The following CARD14 variants were observed in gnomAD, a reference collection of about 807,000 sequenced individuals.
CARD14 encodes the protein caspase recruitment domain family member 14, also known as caspase recruitment domain-containing protein 14.
Under a neutral mutation model 111.5 loss-of-function variants are expected in CARD14, and 107 were observed. That is an observed-to-expected ratio of 0.96 (90% CI 0.82 to 1.13). The LOEUF is 1.13. Among genes scored for constraint, CARD14 ranks in the 50% most tolerant of loss-of-function variants. The pLI is 0.00. For missense variants in CARD14, 1,322 were observed against 1,362.3 expected (o/e 0.97, Z 0.47); for synonymous variants, 617 against 579.6 (o/e 1.06, Z -0.93).
At position 80,195,549 on chromosome 17, in the gene CARD14, G is replaced by T; in HGVS notation, c.1500-9G>T. ...GCAGTTTGAGCCTGCTGCTGCTTAT[G>T]CTTTGCAGCAGCTGCCTGGAGATCC... On this transcript the variant is annotated splice_polypyrimidine_tract_variant and intron_variant, in intron 13 of 23. Coordinates refer to ENST00000648509, the MANE Select transcript of CARD14 (RefSeq NM_001366385.1). The surrounding 1 kb of genome is among the most constrained non-coding windows in gnomAD (Gnocchi z 4.7). 6.2e-7 allele frequency: 1 copy of T among 1,607,514 alleles called. No individual in the cohort carries two copies.
intron 16 of CARD14, among the ~76,000 whole-genome samples, chr17:80,200,228 C>CTTT (rs1567894205): frequency 5.5e-5 from 6 of 109,544 alleles, no homozygotes; most frequent in African/African-American, 2.0e-4. Flanking sequence ...CTTTACATGT[C>CTTT]ATTTTTTTTT....
chr17:80,179,510 G>A (rs1167944757), intron 4 of CARD14, among the ~76,000 whole-genome samples: 1 of 152,158 alleles, frequency 6.6e-6, no homozygotes, highest in African/African-American at 2.4e-5. Flanking sequence ...AAGATGCTAT[G>A]TACTGTTTAT....
intron 14 of CARD14, 149 bp from the exon 15 acceptor site, chr17:80,197,950 G>A (rs1417713096): frequency 1.5e-5 from 11 of 722,650 alleles, no homozygotes; most frequent in Non-Finnish European, 2.7e-5. Context: ...TGAGGGAGAA[G>A]GGGCTGAGGT....
Position 80,208,297 on chromosome 17 carries a change from C to G in CARD14, c.2967C>G (p.Ile989Met). The G allele has an allele frequency of 6.2e-7, 1 of 1,604,144 alleles. No homozygotes were observed. Residue 989 changes from isoleucine to methionine, a missense_variant, in exon 24 of 24, where the codon ATC (isoleucine) becomes ATG (methionine). Coordinates refer to ENST00000648509, the MANE Select transcript of CARD14 (RefSeq NM_001366385.1). Reference protein sequence around the residue: ...DGLLSCVRQAIADEQKKVVWT... With the variant: ...DGLLSCVRQAMADEQKKVVWT... Reference sequence around the variant, plus strand: ...TGCTCAGCTGTGTCCGCCAGGCCATCGCCGACGAGCAGAAGAAGGTGGTGT... The same window carrying G: ...TGCTCAGCTGTGTCCGCCAGGCCATGGCCGACGAGCAGAAGAAGGTGGTGT...
At chr17:80,207,332 C>A (rs2041382790) in intron 23 of CARD14, among the ~76,000 whole-genome samples, 1 of 152,224 alleles carries the variant, frequency 6.6e-6, no homozygotes, top group African/African-American at 2.4e-5. Flanking sequence ...GGGCAGATTG[C>A]TTGAGGTCAG....
Position 80,208,441 on chromosome 17 carries a change from T to C in CARD14, c.*96T>C. The C allele has an allele frequency of 8.5e-7, 1 of 1,176,484 alleles. No individual in the cohort carries two copies. Among genetic ancestry groups the C allele is most frequent in the Non-Finnish European group, 1.2e-6 (1 of 858,072 alleles). 72.9% of individuals were successfully genotyped at this position (1,176,484 alleles called of 1,614,324 possible). A position where few individuals can be genotyped will look rare whatever the true frequency, so the allele number is the denominator to read the frequency against. On this transcript the variant is annotated 3_prime_UTR_variant, in exon 24 of 24. Transcript: ENST00000648509. ...AGGCCCTCTTGGCACAGCTGTGGGC[T>C]CCTTGGCACATGAGGCCGGCTCTCC...
rs769219418 is a variant in CARD14 at position 80,182,934 on chromosome 17, G to A, written c.349+144G>A. On this transcript the variant is annotated intron_variant, in intron 6 of 23. Transcript: ENST00000648509. This position sits in a 1 kb window ranked among gnomAD's most constrained non-coding sequence, Gnocchi z 4.7. ...GTTCCTGTCCCAGCCCCAGCACTCT[G>A]AGGGTGAGGAACCCCCTCACTGTAT... is the stretch of plus-strand genomic sequence containing the variant. 44 of 979,532 alleles carry A rather than the reference G, an allele frequency of 4.5e-5. No homozygotes were observed. Among genetic ancestry groups the A allele is most frequent in the Non-Finnish European group, 6.5e-5 (43 of 659,432 alleles). 60.7% of individuals were successfully genotyped at this position (979,532 alleles called of 1,614,324 possible).
At chr17:80,190,641 A>C in intron 9 of CARD14, 133 bp from the exon 10 acceptor site, 2 of 888,676 alleles carry the variant, frequency 2.3e-6, no homozygotes, top group Non-Finnish European at 1.6e-6. Context: ...AGAGAGAGAG[A>C]CGAGTGAGAA....
In CARD14 at chr17:80,191,307, C is replaced by T. The variant is rs1179304735; in HGVS notation, c.1090-16C>T. 1.2e-6 allele frequency: 2 copies of T among 1,602,362 alleles called. No individual in the cohort carries two copies. The highest frequency in any genetic ancestry group is 1.3e-5 in the African/African-American group (1 of 74,860). On this transcript the variant is annotated splice_polypyrimidine_tract_variant and intron_variant, in intron 10 of 23. Transcript: ENST00000648509. ...TGGTGATGGCGCGGCCTCCTTACTC[C>T]CGTCGTGGCCCACAGGCGTACTCCG...
chr17:80,200,028 T>A (rs1196974899), intron 16 of CARD14, among the ~76,000 whole-genome samples: 1 of 150,246 alleles, frequency 6.7e-6, no homozygotes, highest in Non-Finnish European at 1.5e-5. Context: ...GGCTCTGGGG[T>A]GGGAAGGTGA....
intron 2 of CARD14, among the ~76,000 whole-genome samples, chr17:80,176,300 G>T (rs1011629133): frequency 1.3e-5 from 2 of 151,168 alleles, no homozygotes; most frequent in Non-Finnish European, 2.9e-5. Context: ...AATGAGCCTG[G>T]CATGGGGGCA....
chr17:80,183,530 G>C (rs753891319), intron 6 of CARD14, among the ~76,000 whole-genome samples: 2 of 152,186 alleles, frequency 1.3e-5, no homozygotes, highest in African/African-American at 2.4e-5. Context: ...TCACGGGGAA[G>C]GTCAGAGTGG....
At chr17:80,199,607 G>C (rs535868435) in intron 16 of CARD14, among the ~76,000 whole-genome samples, 1 of 146,074 alleles carries the variant, frequency 6.8e-6, no homozygotes, top group Non-Finnish European at 1.5e-5. Context: ...GGCCAGGCAC[G>C]GTGGCTTATG....
rs1482971986 is a variant in CARD14 at position 80,208,591 on chromosome 17, C to T, written c.*246C>T. 2 of 441,098 alleles carry T rather than the reference C, an allele frequency of 4.5e-6. No homozygotes were observed. Among genetic ancestry groups the T allele is most frequent in the Non-Finnish European group, 4.0e-6 (1 of 250,358 alleles). The allele number at this position is 441,098 out of a possible 1,614,324, so 27.3% of individuals were successfully genotyped here. ...TTTACCAGGCTTGGCATGGTCTGAA[C>T]TGGAAACCCTGAGAATGTTTCTGCA... On this transcript the variant is annotated 3_prime_UTR_variant, in exon 24 of 24. Coordinates refer to ENST00000648509, the MANE Select transcript of CARD14 (RefSeq NM_001366385.1).
chr17:80,172,892 T>TTTTTTTTTTTTTTTTTTTTTTTG lies in CARD14; in HGVS notation c.-689-8_-689-7insTTTTTTTTTTTTTTTTGTTTTTT, dbSNP rs2039935570. On this transcript the variant is annotated splice_polypyrimidine_tract_variant and intron_variant, in intron 1 of 23. Transcript: ENST00000648509. Reference sequence around the variant, plus strand: ...ACATTCTTTTTTTTTTTTTTTTTTTTTTTTTTGAGGTAGAGTTTCACTCTG... The same window carrying TTTTTTTTTTTTTTTTTTTTTTTG: ...ACATTCTTTTTTTTTTTTTTTTTTTTTTTTTTTTTTTTTTTTTTTTTTGTTTTTTGAGGTAGAGTTTCACTCTG... The TTTTTTTTTTTTTTTTTTTTTTTG allele has an allele frequency of 7.2e-6, 1 of 139,462 alleles. No homozygotes were observed. Among genetic ancestry groups the TTTTTTTTTTTTTTTTTTTTTTTG allele is most frequent in the Non-Finnish European group, 1.6e-5 (1 of 64,160 alleles). The allele number at this position is 139,462 out of a possible 1,614,324, so 8.6% of individuals were successfully genotyped here. A position where few individuals can be genotyped will look rare whatever the true frequency, so the allele number is the denominator to read the frequency against.
chr17:80,198,088 C>A lies in CARD14; in HGVS notation c.1595-11C>A, dbSNP rs1360259165. ...GTGACCAAGATCTGTGAGCTCTTGG[C>A]TTCCTCCCAGACCTTCCGCAGCTGG... On this transcript the variant is annotated splice_polypyrimidine_tract_variant and intron_variant, in intron 14 of 23. Coordinates refer to ENST00000648509, the MANE Select transcript of CARD14 (RefSeq NM_001366385.1). This position sits in a 1 kb window ranked among gnomAD's most constrained non-coding sequence, Gnocchi z 7.5. 1 of 1,613,436 alleles carries A rather than the reference C, an allele frequency of 6.2e-7. No individual in the cohort carries two copies. Among genetic ancestry groups the A allele is most frequent in the East Asian group, 2.2e-5 (1 of 44,856 alleles).
chr17:80,190,723 A>G (rs948262698), intron 9 of CARD14, 51 bp from the exon 10 acceptor site: 36 of 1,604,440 alleles, frequency 2.2e-5, no homozygotes, highest in Middle Eastern at 1.7e-4. Context: ...TTCTAAGGCC[A>G]GACCCTCAGA....
intron 11 of CARD14, 122 bp downstream of exon 11, chr17:80,191,594 G>T: frequency 6.6e-6 from 8 of 1,209,758 alleles, no homozygotes; most frequent in Non-Finnish European, 9.2e-6. Flanking sequence ...CCCAGGCTGG[G>T]CCACACGCGG....
At position 80,201,612 on chromosome 17, in the gene CARD14, C is replaced by T. The variant is rs1423524416; in HGVS notation, c.1852-132C>T. 2.2e-6 allele frequency: 2 copies of T among 902,270 alleles called. No individual in the cohort carries two copies. The highest frequency in any genetic ancestry group is 3.6e-6 in the Non-Finnish European group (2 of 554,004). The allele number at this position is 902,270 out of a possible 1,614,324, so 55.9% of individuals were successfully genotyped here. ...GCTCTGGTGTGTGGCTTTGTTTTGACCAAGGCGTGCAGGCAGTGGTCCTAC... is the reference window on the plus strand; with the variant it reads ...GCTCTGGTGTGTGGCTTTGTTTTGATCAAGGCGTGCAGGCAGTGGTCCTAC... On this transcript the variant is annotated intron_variant, in intron 16 of 23. Transcript: ENST00000648509. The surrounding 1 kb of genome is among the most constrained non-coding windows in gnomAD (Gnocchi z 5.0).
Sources: gnomAD v4.1 joint callset for allele counts (sites outside exome capture counted in the v4.1 genomes callset) on GRCh38, gnomAD v4.1.1 for gene constraint, Gnocchi (gnomAD v3.1) non-coding constraint, MANE v1.5 for transcripts, NCBI Gene and HGNC (gene_info 2026-07-23, HGNC 2026-07-21) for gene names.